Variants in SART3 observed in about 807,000 individuals in gnomAD.
The protein encoded by SART3 is spliceosome associated factor 3, U4/U6 recycling protein.
Under a neutral mutation model 122.3 loss-of-function variants are expected in SART3, and 44 were observed. The ratio of observed to expected loss-of-function variants is 0.36; its 90% confidence interval spans 0.28 to 0.46. SART3 has a LOEUF of 0.46. Ranked by LOEUF, SART3 falls within the 20% of genes least tolerant of loss-of-function variation. The pLI, the probability that SART3 is intolerant of heterozygous loss-of-function variation, is 1.00. For synonymous variants in SART3, 442 were observed against 454.0 expected, an observed-to-expected ratio of 0.97 and a Z score of 0.34; for missense variants, 1,101 against 1,229.0, an observed-to-expected ratio of 0.90 and a Z score of 1.56.
At chr12:108,528,892 C>T (rs545226508) in intron 15 of SART3, among the ~76,000 whole-genome samples, 2 of 152,234 alleles carry the variant, frequency 1.3e-5, no homozygotes, top group South Asian at 4.2e-4. Context: ...GAGGCCGAGG[C>T]AGACAGATCA....
intron 15 of SART3, among the ~76,000 whole-genome samples, chr12:108,528,486 A>AG (rs1872503823): frequency 6.6e-6 from 1 of 150,488 alleles, no homozygotes; most frequent in Non-Finnish European, 1.5e-5. Context: ...CCCTCTCAAA[A>AG]AAAAAAAAAA....
At chr12:108,552,073 G>A (rs1200704747) in intron 1 of SART3, among the ~76,000 whole-genome samples, 2 of 152,104 alleles carry the variant, frequency 1.3e-5, no homozygotes, top group Non-Finnish European at 2.9e-5. Flanking sequence ...CTGTAATCCA[G>A]TGTATCAAAA....
At chr12:108,552,357 G>C (rs1318112438) in intron 1 of SART3, among the ~76,000 whole-genome samples, 1 of 151,744 alleles carries the variant, frequency 6.6e-6, no homozygotes, top group Non-Finnish European at 1.5e-5. Flanking sequence ...AGTCCTATAA[G>C]TTCTAGCCTG....
chr12:108,556,202 C>T (rs2030214389), intron 1 of SART3, among the ~76,000 whole-genome samples: 1 of 152,108 alleles, frequency 6.6e-6, no homozygotes, highest in African/African-American at 2.4e-5. Flanking sequence ...AGTGATCCTC[C>T]CGCCTCAGCC....
rs1872979831 is a variant in SART3, at chr12:108,537,729, C to A, written c.1202-134G>T. 3.9e-6 allele frequency: 3 copies of A among 774,678 alleles called. No homozygotes were observed. The highest frequency in any genetic ancestry group is 6.7e-6 in the Non-Finnish European group (3 of 449,934). The allele number at this position is 774,678 out of a possible 1,614,324, so 48.0% of individuals were successfully genotyped here. ...ATGCAACAGAATGAAATGAGCTAGACAGGAATGTTGAAGACAGAAGTTGCT... is the reference window on the plus strand; with the variant it reads ...ATGCAACAGAATGAAATGAGCTAGAAAGGAATGTTGAAGACAGAAGTTGCT... On this transcript the variant is annotated intron_variant, in intron 8 of 18. Coordinates refer to ENST00000546815, the MANE Select transcript of SART3 (RefSeq NM_014706.4).
At position 108,522,663 on chromosome 12, in the gene SART3, CTG is replaced by C. The variant is rs201000926; in HGVS notation, c.*792_*793del. ...AACACATCTGTATGTGAATGCACAT[CTG>C]AGTACCATTCAGCAAGAAGTTTTGA... On this transcript the variant is annotated 3_prime_UTR_variant, in exon 19 of 19. Transcript: ENST00000546815. 2,008 of 152,480 alleles carry C rather than the reference CTG, an allele frequency of 0.013. 26 individuals carry two copies. Among genetic ancestry groups the C allele is most frequent in the Non-Finnish European group, 0.021 (1,400 of 68,166 alleles). 9.4% of individuals were successfully genotyped at this position (152,480 alleles called of 1,614,324 possible). A position where few individuals can be genotyped will look rare whatever the true frequency, so the allele number is the denominator to read the frequency against.
At chr12:108,556,696 T>C (rs1394528791) in intron 1 of SART3, among the ~76,000 whole-genome samples, 1 of 152,262 alleles carries the variant, frequency 6.6e-6, no homozygotes. Flanking sequence ...TGGGCTATCA[T>C]GACACACTGA....
rs764915173 is a variant in SART3 at position 108,560,959 on chromosome 12, C to G, written c.196G>C (p.Asp66His). ...GAAGCCATGGCGTACTCATCCCCAT[C>G]GCTCTCGCTCACGCCTTCCTCCTGC... is the stretch of plus-strand genomic sequence containing the variant. ...DQQEEGVSES[D>H]GDEYAMASSA... is the part of the protein sequence containing the mutation. Residue 66 changes from aspartate (D) to histidine (H), a missense_variant, in exon 1 of 19, where the codon GAT becomes CAT. By Grantham distance (81) the Asp-to-His change is moderately conservative. Coordinates refer to ENST00000546815, the MANE Select transcript of SART3 (RefSeq NM_014706.4). 6.2e-7 allele frequency: 1 copy of G among 1,614,050 alleles called. No individual in the cohort carries two copies. Among genetic ancestry groups the G allele is most frequent in the Non-Finnish European group, 8.5e-7 (1 of 1,179,978 alleles).
chr12:108,544,697 C>G, intron 4 of SART3: 1 of 668,998 alleles, frequency 1.5e-6, no homozygotes. Flanking sequence ...TCCTGAGTAG[C>G]TAGGACCACA....
Position 108,524,408 on chromosome 12 carries a change from T to G in SART3, c.2622A>C (p.Ala874=). ...MTIKENIIKV[A]ISNPPQRKVP... ...CTTTCCTCTGAGGAGGGTTGCTGAT[T>G]GCCACTTTGATGATGTTCTCTTTGA... is the stretch of plus-strand genomic sequence containing the variant. The change falls in exon 18 of 19, where the codon GCA becomes GCC. Residue 874 remains alanine (A), a synonymous_variant. Transcript: ENST00000546815. The G allele has an allele frequency of 6.2e-7, 1 of 1,614,156 alleles. No homozygotes were observed. The highest frequency in any genetic ancestry group is 8.5e-7 in the Non-Finnish European group (1 of 1,179,970).
At chr12:108,538,866 C>A (rs1372008212) in intron 7 of SART3, 68 bp downstream of exon 7, 1 of 1,591,694 alleles carries the variant, frequency 6.3e-7, no homozygotes, top group Admixed American at 1.7e-5. Context: ...AAACTCCTGG[C>A]ACTCTTACTG....
At chr12:108,555,739 C>A (rs1369043540) in intron 1 of SART3, among the ~76,000 whole-genome samples, 2 of 152,080 alleles carry the variant, frequency 1.3e-5, no homozygotes, top group Non-Finnish European at 2.9e-5. Context: ...ATCATTATGG[C>A]AAAGACGTCA....
chr12:108,536,011 T>A (rs1370418777), intron 11 of SART3, among the ~76,000 whole-genome samples: 1 of 152,232 alleles, frequency 6.6e-6, no homozygotes, highest in African/African-American at 2.4e-5. Context: ...CAATCCTACC[T>A]GCTGATCAAG....
At chr12:108,549,852 C>T (rs1004980439) in intron 1 of SART3, among the ~76,000 whole-genome samples, 1 of 151,688 alleles carries the variant, frequency 6.6e-6, no homozygotes, top group Admixed American at 6.6e-5. Context: ...CCTATCTCTA[C>T]CAAAAATACA....
At chr12:108,536,841 A>G (rs1015208148) in intron 9 of SART3, 56 bp from the exon 10 acceptor site, 1 of 1,520,214 alleles carries the variant, frequency 6.6e-7, no homozygotes, top group South Asian at 1.1e-5. Context: ...GCTTTGTTTT[A>G]TTTTTTATCC....
chr12:108,536,639 A>C, intron 10 of SART3, 67 bp from the exon 11 acceptor site: 1 of 1,604,972 alleles, frequency 6.2e-7, no homozygotes, highest in Non-Finnish European at 8.5e-7. Context: ...CTGAAAAGGT[A>C]CATCAACCAG....
Position 108,523,543 on chromosome 12 carries a change from C to T in SART3, c.2806G>A (p.Ala936Thr). 9 of 1,613,910 alleles carry T rather than the reference C, an allele frequency of 5.6e-6. No individual in the cohort carries two copies. The highest frequency in any genetic ancestry group is 1.3e-5 in the African/African-American group (1 of 75,048). ...AAPQAENGPA[A>T]APAVAAPAAT... ...GCTGGGGCGGCAACTGCAGGAGCCG[C>T]GGCAGGGCCGTTCTCAGCCTGAGGA... The change falls in exon 19 of 19, where the codon GCG becomes ACG. Residue 936 changes from alanine to threonine, a missense_variant. Ala to Thr is a moderately conservative substitution (Grantham distance 58). Around this residue, in one of 2 missense-constraint regions of SART3, gnomAD observed 885 missense variants for 1,080.1 expected, o/e 0.82. Transcript: ENST00000546815.
At chr12:108,556,774 G>C (rs1223218698) in intron 1 of SART3, among the ~76,000 whole-genome samples, 1 of 152,252 alleles carries the variant, frequency 6.6e-6, no homozygotes, top group Admixed American at 6.5e-5. Context: ...GAGAAGTGAA[G>C]TTTGAGAAGG....
At chr12:108,532,037 G>A in intron 13 of SART3, 185 bp downstream of exon 13, 1 of 611,178 alleles carries the variant, frequency 1.6e-6, no homozygotes, top group Non-Finnish European at 3.0e-6. Context: ...CCTTGTAGCT[G>A]CAGAATTTGA....
Sources: allele counts gnomAD v4.1 joint callset (sites outside exome capture counted in the v4.1 genomes callset), GRCh38; gene constraint gnomAD v4.1.1; regional missense constraint gnomAD v4.1.1; transcripts MANE v1.5; gene names NCBI Gene and HGNC (gene_info 2026-07-23, HGNC 2026-07-21).